Variants in FHIT observed in about 807,000 individuals in gnomAD.
FHIT encodes fragile histidine triad diadenosine triphosphatase, also known as bis(5'-adenosyl)-triphosphatase.
Under a neutral mutation model 17.9 loss-of-function variants are expected in FHIT, and 19 were observed. The ratio of observed to expected loss-of-function variants is 1.06; its 90% CI spans 0.74 to 1.56. FHIT has a LOEUF of 1.56. Ranked by LOEUF, FHIT falls within the 40% of genes most tolerant of loss-of-function variation. The probability of loss-of-function intolerance (pLI) is 0.00; values close to 1 mark genes in which losing one functional copy is unlikely to be tolerated. For missense variants in FHIT, 248 were observed against 189.2 expected (o/e 1.31, Z -1.82); for synonymous variants, 81 against 69.7 (o/e 1.16, Z -0.81).
chr3:59,829,206 T>C (rs1701079487), intron 8 of FHIT, among the ~76,000 whole-genome samples: 1 of 152,264 alleles, frequency 6.6e-6, no homozygotes, highest in Non-Finnish European at 1.5e-5. Flanking sequence ...AAGTAATCTC[T>C]ACACAATTAA....
intron 5 of FHIT, among the ~76,000 whole-genome samples, chr3:60,061,202 A>G (rs755643573): frequency 6.6e-6 from 1 of 152,188 alleles, no homozygotes; most frequent in Non-Finnish European, 1.5e-5. Flanking sequence ...ATAAATTTCA[A>G]TGGTTTAAGA....
intron 7 of FHIT, among the ~76,000 whole-genome samples, chr3:60,010,150 T>A (rs1442029791): frequency 1.3e-5 from 2 of 152,226 alleles, no homozygotes; most frequent in Non-Finnish European, 2.9e-5. Flanking sequence ...TGGAACCAAG[T>A]TTAAACATTT....
chr3:60,877,836 A>G (rs1704740232), intron 3 of FHIT, among the ~76,000 whole-genome samples: 3 of 151,798 alleles, frequency 2.0e-5, no homozygotes, highest in African/African-American at 7.3e-5. Context: ...TGGGGAGTGG[A>G]CTCATCACTG....
chr3:61,058,538 G>A lies in FHIT; in HGVS notation c.-163-16439C>T, dbSNP rs557443688. Among the ~76,000 whole-genome samples, 158 of 152,174 alleles carry A rather than the reference G, an allele frequency of 1.0e-3. 1 individual carries two copies. The South Asian group carries it at 0.017, about 16-fold the overall frequency. On this transcript the variant is annotated intron_variant, in intron 2 of 9. Coordinates refer to ENST00000492590, the MANE Select transcript of FHIT (RefSeq NM_002012.4). Reference sequence around the variant, plus strand: ...GGCAGACTTCCTCCTTGCTGTTCTCGCAATAATGAGTGAGATCTGGTTGTT... The same window carrying A: ...GGCAGACTTCCTCCTTGCTGTTCTCACAATAATGAGTGAGATCTGGTTGTT...
At chr3:60,756,091 A>C (rs565842975) in intron 4 of FHIT, among the ~76,000 whole-genome samples, 1 of 152,350 alleles carries the variant, frequency 6.6e-6, no homozygotes, top group Non-Finnish European at 1.5e-5. Context: ...TAAAGAAAAT[A>C]CCTGGCACAG....
chr3:60,436,009 A>G (rs1430586599), intron 5 of FHIT, among the ~76,000 whole-genome samples: 1 of 152,058 alleles, frequency 6.6e-6, no homozygotes, highest in African/African-American at 2.4e-5. Flanking sequence ...TTATGGCTGC[A>G]TAGTATTCCA....
At chr3:60,479,546 G>A (rs1447971) in intron 5 of FHIT, among the ~76,000 whole-genome samples, 69,100 of 152,070 alleles carry the variant, frequency 0.45, 17,486 homozygotes, top group African/African-American at 0.66. Context: ...TGGTATAAAT[G>A]AACCTGTGCT....
intron 5 of FHIT, among the ~76,000 whole-genome samples, chr3:60,129,809 T>C (rs554963320): frequency 3.9e-5 from 6 of 152,312 alleles, no homozygotes; most frequent in South Asian, 4.1e-4. Flanking sequence ...ATATCCAATA[T>C]ATTATCATGA....
intron 1 of FHIT, among the ~76,000 whole-genome samples, chr3:61,203,736 G>C (rs1447422751): frequency 2.0e-5 from 3 of 152,150 alleles, no homozygotes; most frequent in African/African-American, 7.2e-5. Flanking sequence ...TAAAGAAGGG[G>C]GTAATAAATT....
At chr3:61,043,354 G>A (rs760907485) in intron 2 of FHIT, among the ~76,000 whole-genome samples, 21 of 152,206 alleles carry the variant, frequency 1.4e-4, no homozygotes, top group Non-Finnish European at 2.4e-4. Flanking sequence ...AGGGTCCCAC[G>A]CCCACGGAGC....
intron 5 of FHIT, among the ~76,000 whole-genome samples, chr3:60,023,945 C>G (rs1412704298): frequency 1.3e-5 from 2 of 151,430 alleles, no homozygotes; most frequent in African/African-American, 4.9e-5. Flanking sequence ...CCAGTCCAGA[C>G]TCAACTTACT....
Position 60,898,881 on chromosome 3 carries a change from G to A in FHIT, c.-110-76870C>T, listed in dbSNP as rs554745725. Among the ~76,000 whole-genome samples, 304 of 152,274 alleles carry A rather than the reference G, an allele frequency of 2.0e-3. 3 individuals are homozygous for A. The highest frequency in any genetic ancestry group is 7.0e-3 in the African/African-American group (289 of 41,558). On this transcript the variant is annotated intron_variant, in intron 3 of 9. Coordinates refer to ENST00000492590, the MANE Select transcript of FHIT (RefSeq NM_002012.4). ...ATTTATGGGAAAGCTTCTCTCATCA[G>A]GGCTGTACCAATTAAAAATCCATAA... is the stretch of plus-strand genomic sequence containing the variant.
chr3:60,651,187 G>A (rs1241610564), intron 4 of FHIT, among the ~76,000 whole-genome samples: 1 of 151,834 alleles, frequency 6.6e-6, no homozygotes, highest in African/African-American at 2.4e-5. Flanking sequence ...AATCCATCTT[G>A]ATCTTAATTT....
At chr3:60,372,464 CTA>C (rs1438343431) in intron 5 of FHIT, among the ~76,000 whole-genome samples, 1 of 152,190 alleles carries the variant, frequency 6.6e-6, no homozygotes, top group African/African-American at 2.4e-5. Context: ...CTGCTTATCT[CTA>C]TCTCATTGTA....
intron 4 of FHIT, among the ~76,000 whole-genome samples, chr3:60,744,422 G>A (rs545653803): frequency 8.6e-5 from 13 of 152,022 alleles, no homozygotes; most frequent in South Asian, 2.1e-4. Context: ...TGAAAACAAC[G>A]AAAGCTCATT....
intron 5 of FHIT, among the ~76,000 whole-genome samples, chr3:60,039,171 G>C (rs1182652086): frequency 6.6e-6 from 1 of 152,134 alleles, no homozygotes; most frequent in Admixed American, 6.5e-5. Flanking sequence ...GTGGCTTCAA[G>C]GTAGCCAGAC....
intron 3 of FHIT, among the ~76,000 whole-genome samples, chr3:60,916,708 C>T (rs551024841): frequency 9.2e-4 from 140 of 152,308 alleles, no homozygotes; most frequent in African/African-American, 3.3e-3. Flanking sequence ...TTTTACATAA[C>T]ATCAGCTGGA....
chr3:59,873,722 G>T (rs1278317068), intron 8 of FHIT, among the ~76,000 whole-genome samples: 1 of 151,986 alleles, frequency 6.6e-6, no homozygotes, highest in Non-Finnish European at 1.5e-5. Flanking sequence ...TGTGCCCCGG[G>T]GGAGAAGAGT....
intron 5 of FHIT, among the ~76,000 whole-genome samples, chr3:60,409,733 G>A (rs1198110153): frequency 6.6e-6 from 1 of 152,142 alleles, no homozygotes; most frequent in Non-Finnish European, 1.5e-5. Context: ...AATCAAGAAA[G>A]GGACAGATTA....
Sources: gnomAD v4.1 joint callset for allele counts (sites outside exome capture counted in the v4.1 genomes callset) on GRCh38, gnomAD v4.1.1 for gene constraint, MANE v1.5 for transcripts, NCBI Gene and HGNC (gene_info 2026-07-23, HGNC 2026-07-21) for gene names.